Variants in PTPRD observed in about 807,000 individuals in gnomAD.
PTPRD encodes the protein protein tyrosine phosphatase receptor type D.
A neutral mutation model predicts 214.5 loss-of-function variants in PTPRD; 34 were observed. The observed-to-expected ratio is 0.16, with a 90% CI of 0.12 to 0.21. The LOEUF (loss-of-function observed/expected upper bound fraction) is 0.21. Ranked by LOEUF, PTPRD falls within the 10% of genes least tolerant of loss-of-function variation. The pLI, the probability that PTPRD is intolerant of heterozygous loss-of-function variation, is 1.00. For synonymous variants in PTPRD, 1,128 were observed against 845.7 expected, an observed-to-expected ratio of 1.33 and a Z score of -5.79; for missense variants, 2,545 against 2,398.7, an observed-to-expected ratio of 1.06 and a Z score of -1.27.
chr9:8,914,801 T>C (rs992842978), intron 11 of PTPRD, among the ~76,000 whole-genome samples: 2 of 152,164 alleles, frequency 1.3e-5, no homozygotes, highest in African/African-American at 2.4e-5. Context: ...CCATTTAGAA[T>C]TGATGATTTA....
chr9:10,150,862 G>A (rs1592485421), intron 3 of PTPRD, among the ~76,000 whole-genome samples: 1 of 151,930 alleles, frequency 6.6e-6, no homozygotes, highest in South Asian at 2.1e-4. Flanking sequence ...CAAATTTGGA[G>A]TTCAATAAAA....
At chr9:9,469,581 A>G (rs1001718890) in intron 8 of PTPRD, among the ~76,000 whole-genome samples, 6 of 152,216 alleles carry the variant, frequency 3.9e-5, no homozygotes, top group Non-Finnish European at 8.8e-5. Context: ...TTAACTGATG[A>G]CAGATGAAAA....
chr9:8,510,130 A>C (rs149659249), intron 21 of PTPRD, among the ~76,000 whole-genome samples: 3 of 151,958 alleles, frequency 2.0e-5, no homozygotes, highest in African/African-American at 7.2e-5. Context: ...CAAAATAATA[A>C]AACTTAAAAA....
At chr9:8,533,713 C>G (rs773653895) in intron 14 of PTPRD, among the ~76,000 whole-genome samples, 4 of 151,950 alleles carry the variant, frequency 2.6e-5, no homozygotes, top group Non-Finnish European at 5.9e-5. Flanking sequence ...TAAGTGTGAA[C>G]TCTTACAAGC....
intron 14 of PTPRD, among the ~76,000 whole-genome samples, chr9:8,546,679 T>G (rs573705936): frequency 6.6e-6 from 1 of 152,180 alleles, no homozygotes; most frequent in South Asian, 2.1e-4. Flanking sequence ...TTTGTATTTT[T>G]AGTAGAGATG....
chr9:8,862,560 AT>A (rs1387532846), intron 11 of PTPRD, among the ~76,000 whole-genome samples: 5 of 152,200 alleles, frequency 3.3e-5, no homozygotes, highest in African/African-American at 1.2e-4. Context: ...GATGATTGAA[AT>A]CACCTGTTCT....
chr9:8,394,882 G>A (rs1299478147), intron 36 of PTPRD, among the ~76,000 whole-genome samples: 1 of 152,126 alleles, frequency 6.6e-6, no homozygotes, highest in African/African-American at 2.4e-5. Context: ...AAAAGCAAGA[G>A]GAAGTAGTGG....
At chr9:10,405,496 T>C (rs1350748393) in intron 2 of PTPRD, among the ~76,000 whole-genome samples, 2 of 146,822 alleles carry the variant, frequency 1.4e-5, no homozygotes, top group Admixed American at 7.0e-5. Flanking sequence ...CAGTACAACA[T>C]ATATAGAATA....
intron 7 of PTPRD, among the ~76,000 whole-genome samples, chr9:9,687,609 AAAACTTAAAGT>A (rs1225404074): frequency 1.3e-5 from 2 of 151,766 alleles, no homozygotes; most frequent in Non-Finnish European, 1.5e-5. Flanking sequence ...CATGTACCCT[AAAACTTAAAGT>A]ATAATAATAA....
intron 11 of PTPRD, among the ~76,000 whole-genome samples, chr9:8,778,937 C>CT (rs775244431): frequency 6.0e-4 from 91 of 152,238 alleles, no homozygotes; most frequent in Non-Finnish European, 1.1e-3. Context: ...AAGAAAATTA[C>CT]TTTTCAAGAG....
chr9:9,261,611 T>A (rs906987674), intron 9 of PTPRD, among the ~76,000 whole-genome samples: 4 of 150,962 alleles, frequency 2.6e-5, no homozygotes, highest in African/African-American at 4.9e-5. Context: ...AAACCTCTAA[T>A]AATAATGAGT....
chr9:9,673,570 T>C (rs1021579861), intron 7 of PTPRD, among the ~76,000 whole-genome samples: 1 of 151,680 alleles, frequency 6.6e-6, no homozygotes, highest in Non-Finnish European at 1.5e-5. Flanking sequence ...ACACTACAAA[T>C]TGAGTTTAAG....
At chr9:10,253,134 G>C (rs548338398) in intron 3 of PTPRD, among the ~76,000 whole-genome samples, 1 of 152,060 alleles carries the variant, frequency 6.6e-6, no homozygotes, top group Non-Finnish European at 1.5e-5. Flanking sequence ...AGGATACAGA[G>C]CTTCACAGTT....
chr9:9,690,590 T>A (rs1156228457), intron 7 of PTPRD, among the ~76,000 whole-genome samples: 1 of 151,958 alleles, frequency 6.6e-6, no homozygotes, highest in Admixed American at 6.6e-5. Context: ...TAGCTTCTAG[T>A]AATTTCATAG....
intron 15 of PTPRD, chr9:8,528,167 T>A (rs1171635390): frequency 2.7e-6 from 1 of 370,590 alleles, no homozygotes; most frequent in Non-Finnish European, 4.7e-6. Context: ...GGGTTTAATA[T>A]GAACATTTTA....
intron 39 of PTPRD, among the ~76,000 whole-genome samples, chr9:8,353,937 CATATAT>C (rs59488682): frequency 0.36 from 22,055 of 61,292 alleles, 3,741 homozygotes; most frequent in Admixed American, 0.48. Context: ...TGTGTGTGTA[CATATAT>C]ATATATATAT....
intron 2 of PTPRD, among the ~76,000 whole-genome samples, chr9:10,367,123 T>C (rs1316687394): frequency 6.6e-6 from 1 of 151,586 alleles, no homozygotes; most frequent in Non-Finnish European, 1.5e-5. Flanking sequence ...TCCTGTCCTC[T>C]TGATAGATAC....
chr9:8,462,384 G>C (rs1449902069), intron 32 of PTPRD, among the ~76,000 whole-genome samples: 4 of 151,890 alleles, frequency 2.6e-5, no homozygotes, highest in African/African-American at 9.7e-5. Context: ...ACTATACCAA[G>C]AGCTTCTTCC....
chr9:9,288,902 C>T (rs1251306691), intron 9 of PTPRD, among the ~76,000 whole-genome samples: 1 of 151,828 alleles, frequency 6.6e-6, no homozygotes, highest in Admixed American at 6.6e-5. Context: ...GACACTTTCT[C>T]CTTGCTGCCA....
Sources: allele counts gnomAD v4.1 joint callset (sites outside exome capture counted in the v4.1 genomes callset), GRCh38; gene constraint gnomAD v4.1.1; transcripts MANE v1.5; gene names NCBI Gene and HGNC (gene_info 2026-07-23, HGNC 2026-07-21).